FER: variants seen among roughly 807,000 people sequenced by gnomAD.
FER encodes tyrosine-protein kinase Fer.
Under a neutral mutation model 111.0 loss-of-function variants are expected in FER, and 63 were observed. The observed-to-expected ratio is 0.57, with a 90% CI of 0.46 to 0.70. The LOEUF (loss-of-function observed/expected upper bound fraction) is 0.70. Among genes scored for constraint, FER ranks in the 30% least tolerant of loss-of-function variants. The pLI is 0.00. For missense variants in FER, 914 were observed against 954.0 expected, an observed-to-expected ratio of 0.96 and a Z score of 0.55; for synonymous variants, 327 against 313.9, an observed-to-expected ratio of 1.04 and a Z score of -0.44.
At chr5:108,962,100 T>A (rs1341065565) in intron 13 of FER, among the ~76,000 whole-genome samples, 4 of 152,182 alleles carry the variant, frequency 2.6e-5, no homozygotes, top group Non-Finnish European at 4.4e-5. Flanking sequence ...CACATTTTTA[T>A]GCACATTCAC....
intron 16 of FER, among the ~76,000 whole-genome samples, chr5:109,067,186 TGCCA>T: frequency 6.6e-6 from 1 of 152,144 alleles, no homozygotes; most frequent in African/African-American, 2.4e-5. Flanking sequence ...GGATTTTATT[TGCCA>T]TACAGTCAGT....
In FER at chr5:108,774,852, C is replaced by T. The variant is rs541006170; in HGVS notation, c.-60+6614C>T. 7.2e-5 allele frequency among the ~76,000 whole-genome samples: 11 copies of T among 152,164 alleles called. No homozygotes were observed. In the South Asian group the frequency reaches 1.2e-3, roughly 17 times the overall value. On this transcript the variant is annotated intron_variant, in intron 2 of 19. Coordinates refer to ENST00000281092, the MANE Select transcript of FER (RefSeq NM_005246.4). ...TCCCATTCTGTAGGTTGCCTGTTCA[C>T]TCTGATGATAGTTTCTTTCACTGTG...
Position 109,187,658 on chromosome 5 carries a change from T to C in FER, c.*83T>C. 6.9e-7 allele frequency: 1 copy of C among 1,449,100 alleles called. No individual in the cohort carries two copies. Among genetic ancestry groups the C allele is most frequent in the Non-Finnish European group, 9.5e-7 (1 of 1,050,818 alleles). The allele number at this position is 1,449,100 out of a possible 1,614,324, so 89.8% of individuals were successfully genotyped here. On this transcript the variant is annotated 3_prime_UTR_variant, in exon 20 of 20. Transcript: ENST00000281092. ...ATTGTTCTCATTAACAATGAATTTA[T>C]ACCACATTACCTTCGACAGTCTTCT...
intron 14 of FER, among the ~76,000 whole-genome samples, chr5:109,044,324 G>A (rs371915847): frequency 2.6e-5 from 4 of 151,512 alleles, no homozygotes; most frequent in African/African-American, 7.3e-5. Flanking sequence ...GACTACAGGC[G>A]CCCGCCACCA....
At chr5:108,972,679 A>T (rs1760824579) in intron 13 of FER, among the ~76,000 whole-genome samples, 1 of 150,808 alleles carries the variant, frequency 6.6e-6, no homozygotes, top group African/African-American at 2.5e-5. Context: ...TAAATACTTG[A>T]TATTATTTTT....
At chr5:109,099,642 A>G (rs574766581) in intron 16 of FER, among the ~76,000 whole-genome samples, 36 of 151,594 alleles carry the variant, frequency 2.4e-4, no homozygotes, top group Non-Finnish European at 4.9e-4. Context: ...TAGATTCAAG[A>G]AAACTATATT....
intron 3 of FER, among the ~76,000 whole-genome samples, chr5:108,806,327 C>T (rs1200456923): frequency 6.6e-6 from 1 of 152,202 alleles, no homozygotes; most frequent in Non-Finnish European, 1.5e-5. Context: ...GGGTGGGGCT[C>T]TCCTGGAGAA....
chr5:109,043,011 A>G (rs1343069571), intron 14 of FER, among the ~76,000 whole-genome samples: 1 of 152,180 alleles, frequency 6.6e-6, no homozygotes, highest in African/African-American at 2.4e-5. Context: ...GAAGTGAGGG[A>G]CTGAAGATGA....
intron 13 of FER, among the ~76,000 whole-genome samples, chr5:109,007,846 A>T (rs575610257): frequency 4.6e-5 from 7 of 152,162 alleles, no homozygotes; most frequent in Admixed American, 2.6e-4. Flanking sequence ...TTATTTTCTA[A>T]AGTGGCTCTG....
rs574203512 is a variant in FER at position 109,189,170 on chromosome 5, C to T, written c.*1595C>T. 8 of 146,450 alleles carry T rather than the reference C, an allele frequency of 5.5e-5. No homozygotes were observed. The South Asian group carries it at 1.8e-3, about 32-fold the overall frequency. 9.1% of individuals were successfully genotyped at this position (146,450 alleles called of 1,614,324 possible). The stretch of plus-strand genomic sequence containing the variant: ...AAAACTAGGATTCTGTATCTTAACT[C>T]TTATCTAGGGAACTTACTTACTTAC... On this transcript the variant is annotated 3_prime_UTR_variant, in exon 20 of 20. Coordinates refer to ENST00000281092, the MANE Select transcript of FER (RefSeq NM_005246.4).
intron 13 of FER, among the ~76,000 whole-genome samples, chr5:108,978,657 G>A (rs1761674947): frequency 6.6e-6 from 1 of 152,066 alleles, no homozygotes; most frequent in South Asian, 2.1e-4. Flanking sequence ...ATCCATTGTG[G>A]CACATAAAAG....
At chr5:109,003,959 G>T (rs72790520) in intron 13 of FER, among the ~76,000 whole-genome samples, 17,549 of 152,200 alleles carry the variant, frequency 0.12, 1,089 homozygotes, top group Middle Eastern at 0.16. Context: ...CAGCCTGGGC[G>T]ACGGTGTAAG....
chr5:108,874,570 GTA>G, intron 8 of FER, among the ~76,000 whole-genome samples: 1 of 150,788 alleles, frequency 6.6e-6, no homozygotes, highest in Non-Finnish European at 1.5e-5. Context: ...CATTAAAACT[GTA>G]TGTATTTTTT....
In FER at chr5:109,012,504, TTTA is replaced by T. The variant is rs1191350182; in HGVS notation, c.1657-24915_1657-24913del. ...ATTTATTCTTGCCTCCCTCCCACTT[TTTA>T]TTGATTTGTTTCAAAGTAAAAGCTT... On this transcript the variant is annotated intron_variant, in intron 13 of 19. Coordinates refer to ENST00000281092, the MANE Select transcript of FER (RefSeq NM_005246.4). Among the ~76,000 whole-genome samples, 3 of 152,368 alleles carry T rather than the reference TTTA, an allele frequency of 2.0e-5. No homozygotes were observed. In the East Asian group the frequency reaches 5.8e-4, roughly 29 times the overall value.
intron 13 of FER, among the ~76,000 whole-genome samples, chr5:109,009,454 AC>A (rs960244942): frequency 6.6e-6 from 1 of 152,022 alleles, no homozygotes; most frequent in Non-Finnish European, 1.5e-5. Context: ...AAAAGCCTCT[AC>A]CCCTGACCAC....
intron 2 of FER, among the ~76,000 whole-genome samples, chr5:108,775,634 T>C (rs942054668): frequency 6.6e-6 from 1 of 152,172 alleles, no homozygotes. Context: ...CATCATGCGT[T>C]AATGTTGCTC....
chr5:108,963,446 C>T (rs1581416748), intron 13 of FER, among the ~76,000 whole-genome samples: 2 of 152,034 alleles, frequency 1.3e-5, no homozygotes, highest in South Asian at 4.1e-4. Flanking sequence ...CCTATAATCC[C>T]AGCTACTTGG....
At chr5:109,150,463 C>T (rs533165572) in intron 17 of FER, among the ~76,000 whole-genome samples, 28 of 152,266 alleles carry the variant, frequency 1.8e-4, no homozygotes, top group African/African-American at 6.5e-4. Context: ...TTATTACTCT[C>T]TCATAGCACT....
chr5:108,770,271 G>A (rs1175540035), intron 2 of FER, among the ~76,000 whole-genome samples: 1 of 152,062 alleles, frequency 6.6e-6, no homozygotes, highest in African/African-American at 2.4e-5. Flanking sequence ...AATTAATTAT[G>A]AGTTGAATTT....
Sources: allele counts gnomAD v4.1 joint callset (sites outside exome capture counted in the v4.1 genomes callset), GRCh38; gene constraint gnomAD v4.1.1; transcripts MANE v1.5; gene names NCBI Gene and HGNC (gene_info 2026-07-23, HGNC 2026-07-21).